BIRC6: variants seen among roughly 807,000 people sequenced by gnomAD.
BIRC6 encodes baculoviral IAP repeat containing 6, also known as dual E2 ubiquitin-conjugating enzyme/E3 ubiquitin-protein ligase BIRC6.
In BIRC6, 98 loss-of-function variants were observed where a neutral mutation model predicts 503.3. The ratio of observed to expected loss-of-function variants is 0.19; its 90% CI spans 0.17 to 0.23. BIRC6 has a LOEUF of 0.23. BIRC6 is among the 10% of genes least tolerant of loss of function. BIRC6 has a pLI of 1.00. For missense variants in BIRC6, 5,360 were observed against 5,806.0 expected, an observed-to-expected ratio of 0.92 and a Z score of 2.50; for synonymous variants, 2,240 against 2,078.7, an observed-to-expected ratio of 1.08 and a Z score of -2.11.
rs1260653102 is a variant in BIRC6, at chr2:32,543,229, CT to C, written c.12292-7del. 2 of 1,608,956 alleles carry C rather than the reference CT, an allele frequency of 1.2e-6. No individual in the cohort carries two copies. The highest frequency in any genetic ancestry group is 2.7e-5 in the African/African-American group (2 of 74,818). On this transcript the variant is annotated splice_polypyrimidine_tract_variant and intron_variant, in intron 61 of 73. Coordinates refer to ENST00000421745, the MANE Select transcript of BIRC6 (RefSeq NM_016252.4). ...TGTGAATGGCCAAGCCAACACTTTT[CT>C]TTTTCTTTAGGTGAGTGCTCCAGTT...
intron 3 of BIRC6, 144 bp downstream of exon 3, chr2:32,380,434 T>A (rs2037455928): frequency 8.3e-7 from 1 of 1,197,746 alleles, no homozygotes; most frequent in African/African-American, 1.6e-5. Context: ...TAAGTCATCT[T>A]AAAGTTGAAA....
chr2:32,497,237 T>G (rs1230550629), intron 45 of BIRC6, among the ~76,000 whole-genome samples: 1 of 152,206 alleles, frequency 6.6e-6, no homozygotes, highest in Non-Finnish European at 1.5e-5. Flanking sequence ...TTTGAACTCC[T>G]GAGTTCAAGC....
chr2:32,485,585 G>A (rs1399656345), intron 39 of BIRC6, 58 bp from the exon 40 acceptor site: 5 of 1,125,050 alleles, frequency 4.4e-6, no homozygotes, highest in Non-Finnish European at 6.7e-6. Context: ...TATTGTAGGA[G>A]GTAGGACATG....
intron 44 of BIRC6, 127 bp from the exon 45 acceptor site, chr2:32,493,413 C>G: frequency 1.2e-6 from 1 of 801,990 alleles, no homozygotes; most frequent in Non-Finnish European, 1.9e-6. Context: ...ATTGTTAATA[C>G]TTTTGTTTTC....
At chr2:32,447,082 T>C (rs2046061515) in intron 21 of BIRC6, among the ~76,000 whole-genome samples, 1 of 144,864 alleles carries the variant, frequency 6.9e-6, no homozygotes, top group Admixed American at 6.9e-5. Context: ...AGGTCACAGA[T>C]CAACAGGATC....
At chr2:32,386,945 A>G (rs1226948169) in intron 3 of BIRC6, among the ~76,000 whole-genome samples, 1 of 152,148 alleles carries the variant, frequency 6.6e-6, no homozygotes, top group African/African-American at 2.4e-5. Context: ...GAACTGGGGA[A>G]GTAACTATTA....
rs1161452095 is a variant in BIRC6, at chr2:32,545,722, A to C, written c.12672A>C (p.Thr4224=). 6.2e-7 allele frequency: 1 copy of C among 1,613,786 alleles called. No individual in the cohort carries two copies. The highest frequency in any genetic ancestry group is 1.1e-5 in the South Asian group (1 of 91,072). ...FHVLRSLFST[T]PLTTDDGVLL... Reference sequence around the variant, plus strand: ...TCCTTCGTAGCTTGTTTAGCACTACACCTTTGACAACTGATGATGGTGTAC... The same window carrying C: ...TCCTTCGTAGCTTGTTTAGCACTACCCCTTTGACAACTGATGATGGTGTAC... Residue 4224 remains threonine (T), a synonymous_variant, in exon 63 of 74, where the codon ACA becomes ACC. Transcript: ENST00000421745.
At chr2:32,559,359 G>A (rs962107213) in intron 65 of BIRC6, among the ~76,000 whole-genome samples, 1 of 152,204 alleles carries the variant, frequency 6.6e-6, no homozygotes, top group African/African-American at 2.4e-5. Flanking sequence ...GAGACATGGT[G>A]TTGCATAACA....
intron 33 of BIRC6, among the ~76,000 whole-genome samples, chr2:32,474,156 TTTTG>T (rs1201492159): frequency 1.3e-5 from 2 of 152,110 alleles, no homozygotes; most frequent in Admixed American, 6.6e-5. Context: ...AAATTTTTTG[TTTTG>T]TTTTTTATAT....
At chr2:32,433,873 C>A (rs79172049) in intron 13 of BIRC6, 69 bp downstream of exon 13, 15,987 of 1,314,398 alleles carry the variant, frequency 0.012, 369 homozygotes, top group African/African-American at 0.094. Flanking sequence ...CTAATTTTCA[C>A]CTTGGCTAAG....
At chr2:32,572,792 C>T (rs557222369) in intron 65 of BIRC6, among the ~76,000 whole-genome samples, 10 of 152,328 alleles carry the variant, frequency 6.6e-5, no homozygotes, top group Middle Eastern at 6.8e-3. Flanking sequence ...TCTGCATCAT[C>T]ACTGGAAGGT....
At chr2:32,423,881 C>T (rs2043197763) in intron 10 of BIRC6, among the ~76,000 whole-genome samples, 1 of 152,156 alleles carries the variant, frequency 6.6e-6, no homozygotes, top group Non-Finnish European at 1.5e-5. Context: ...TATACACTAC[C>T]TGTCTGTTAG....
intron 61 of BIRC6, among the ~76,000 whole-genome samples, chr2:32,535,896 G>C (rs1383055801): frequency 2.0e-5 from 3 of 152,304 alleles, no homozygotes; most frequent in Non-Finnish European, 4.4e-5. Flanking sequence ...CTTCCACAAT[G>C]GTTGAACTAG....
intron 61 of BIRC6, among the ~76,000 whole-genome samples, chr2:32,541,317 A>T (rs544999697): frequency 1.6e-4 from 25 of 152,240 alleles, no homozygotes; most frequent in African/African-American, 5.8e-4. Flanking sequence ...TCATATTGTC[A>T]TTCTGGCCTA....
intron 10 of BIRC6, among the ~76,000 whole-genome samples, chr2:32,423,800 T>C (rs1415261608): frequency 1.3e-5 from 2 of 152,118 alleles, no homozygotes; most frequent in East Asian, 3.9e-4. Context: ...CCATTCTGAG[T>C]AGTGTGATAA....
intron 57 of BIRC6, among the ~76,000 whole-genome samples, chr2:32,524,553 C>T (rs1235403419): frequency 6.6e-6 from 1 of 152,088 alleles, no homozygotes; most frequent in East Asian, 1.9e-4. Flanking sequence ...GATGCAGTTG[C>T]CAAGCACATT....
At chr2:32,442,584 A>G (rs190079752) in intron 19 of BIRC6, 129 bp downstream of exon 19, 1 of 1,130,806 alleles carries the variant, frequency 8.8e-7, no homozygotes, top group East Asian at 2.8e-5. Context: ...TCAAAAGTTG[A>G]TGAAGATTGT....
rs2048819784 is a variant in BIRC6 at position 32,468,761 on chromosome 2, C to T, written c.6105C>T (p.Leu2035=). Reference sequence around the variant, plus strand: ...TCAGATATTTACTGGACACTTTGCTCAGCCTGCTTCATGCTTCTAATGGTT... The same window carrying T: ...TCAGATATTTACTGGACACTTTGCTTAGCCTGCTTCATGCTTCTAATGGTT... ...TIIRYLLDTL[L]SLLHASNGHS... The change falls in exon 29 of 74, where the codon CTC becomes CTT. Residue 2035 remains leucine, a synonymous_variant. Transcript: ENST00000421745. 3.1e-6 allele frequency: 5 copies of T among 1,601,466 alleles called. No homozygotes were observed. The highest frequency in any genetic ancestry group is 1.1e-5 in the South Asian group (1 of 90,072).
At chr2:32,409,152 T>G (rs921844087) in intron 9 of BIRC6, among the ~76,000 whole-genome samples, 9 of 152,026 alleles carry the variant, frequency 5.9e-5, no homozygotes, top group African/African-American at 2.2e-4. Context: ...TATTTTCTGT[T>G]TTTTTTTGTT....
Sources: gnomAD v4.1 joint callset for allele counts (sites outside exome capture counted in the v4.1 genomes callset) on GRCh38, gnomAD v4.1.1 for gene constraint, MANE v1.5 for transcripts, NCBI Gene and HGNC (gene_info 2026-07-23, HGNC 2026-07-21) for gene names.